The following ASPH variants were observed in gnomAD, a reference collection of about 807,000 sequenced individuals.
ASPH encodes the protein aspartate beta-hydroxylase.
Under a neutral mutation model 118.4 loss-of-function variants are expected in ASPH, and 100 were observed. That is an observed-to-expected ratio of 0.84 (90% confidence interval 0.72 to 1.00). ASPH has a LOEUF of 1.00. Ranked by LOEUF, ASPH falls within the 50% of genes least tolerant of loss-of-function variation. The probability of loss-of-function intolerance (pLI) is 0.00; values close to 1 mark genes in which losing one functional copy is unlikely to be tolerated. For missense variants in ASPH, 920 were observed against 919.5 expected (o/e 1.00, Z -0.01); for synonymous variants, 315 against 325.6 (o/e 0.97, Z 0.35).
intron 13 of ASPH, among the ~76,000 whole-genome samples, chr8:61,620,588 C>A (rs1431133464): frequency 2.6e-5 from 4 of 151,956 alleles, no homozygotes; most frequent in African/African-American, 9.7e-5. Context: ...CTGAACTAGA[C>A]TATTCAATAC....
intron 14 of ASPH, among the ~76,000 whole-genome samples, chr8:61,588,488 ATC>A (rs1359672349): frequency 6.6e-6 from 1 of 152,208 alleles, no homozygotes; most frequent in African/African-American, 2.4e-5. Flanking sequence ...CAGACACAGA[ATC>A]TTCACATTAC....
intron 14 of ASPH, among the ~76,000 whole-genome samples, chr8:61,600,722 C>A (rs1843736628): frequency 6.6e-6 from 1 of 151,246 alleles, no homozygotes; most frequent in Admixed American, 6.6e-5. Context: ...AAACATACAG[C>A]AAGATAATAG....
chr8:61,584,628 T>C (rs62506158), intron 14 of ASPH, among the ~76,000 whole-genome samples: 47 of 23,236 alleles, frequency 2.0e-3, no homozygotes, highest in Admixed American at 6.7e-3. Flanking sequence ...TCTTTCTTTC[T>C]TTCCTTCTTT....
chr8:61,586,967 T>A (rs147961724), intron 14 of ASPH, among the ~76,000 whole-genome samples: 3 of 152,336 alleles, frequency 2.0e-5, no homozygotes, highest in African/African-American at 7.2e-5. Flanking sequence ...GAACTAAGGC[T>A]GTTCCATGCT....
At chr8:61,668,117 G>T in intron 3 of ASPH, 1 of 1,001,008 alleles carries the variant, frequency 1.0e-6, no homozygotes, top group Non-Finnish European at 1.5e-6. Flanking sequence ...ACCCAAGCAA[G>T]ACCCAAAAGC....
At chr8:61,576,528 A>G (rs1392400005) in intron 16 of ASPH, 2 of 399,502 alleles carry the variant, frequency 5.0e-6, no homozygotes, top group South Asian at 1.1e-4. Context: ...ATCAATGACA[A>G]AAGTGTTACT....
chr8:61,528,795 T>A (rs527677002), intron 21 of ASPH, among the ~76,000 whole-genome samples: 2 of 152,336 alleles, frequency 1.3e-5, no homozygotes, highest in Admixed American at 6.5e-5. Flanking sequence ...AATAATTTTT[T>A]AAGAAATGTT....
At chr8:61,709,265 T>C (rs1189111423) in intron 1 of ASPH, among the ~76,000 whole-genome samples, 2 of 151,864 alleles carry the variant, frequency 1.3e-5, no homozygotes, top group Admixed American at 6.6e-5. Flanking sequence ...GGGAATAAAA[T>C]ACTAAAATTT....
At chr8:61,713,079 T>C (rs1280217071) in intron 1 of ASPH, among the ~76,000 whole-genome samples, 1 of 152,270 alleles carries the variant, frequency 6.6e-6, no homozygotes, top group Admixed American at 6.5e-5. Flanking sequence ...CTTTCACTTA[T>C]GTCAAAGGTG....
At chr8:61,614,254 A>G (rs1401637487) in intron 14 of ASPH, among the ~76,000 whole-genome samples, 1 of 152,234 alleles carries the variant, frequency 6.6e-6, no homozygotes, top group Non-Finnish European at 1.5e-5. Flanking sequence ...AAGTCTAAAT[A>G]AAAAATTTTA....
intron 24 of ASPH, among the ~76,000 whole-genome samples, chr8:61,505,528 C>G (rs111602121): frequency 3.3e-5 from 5 of 151,430 alleles, no homozygotes; most frequent in Admixed American, 6.6e-5. Context: ...GTGCCTTTTG[C>G]CTCCCACCAT....
At chr8:61,527,491 A>G (rs1189172192) in intron 21 of ASPH, among the ~76,000 whole-genome samples, 1 of 152,266 alleles carries the variant, frequency 6.6e-6, no homozygotes, top group Non-Finnish European at 1.5e-5. Context: ...AACACTAGCT[A>G]TTAAAATATT....
intron 3 of ASPH, among the ~76,000 whole-genome samples, chr8:61,669,632 C>CT (rs1322523298): frequency 6.6e-6 from 1 of 152,156 alleles, no homozygotes; most frequent in African/African-American, 2.4e-5. Flanking sequence ...ATAATACCCA[C>CT]TTTTAAATAT....
At chr8:61,704,379 C>A (rs945495978) in intron 1 of ASPH, among the ~76,000 whole-genome samples, 6 of 151,450 alleles carry the variant, frequency 4.0e-5, no homozygotes, top group Admixed American at 3.9e-4. Flanking sequence ...AAATCTAATT[C>A]AAAATTAATG....
intron 6 of ASPH, 72 bp from the exon 7 acceptor site, chr8:61,644,704 T>G (rs1053255286): frequency 3.6e-6 from 4 of 1,118,474 alleles, no homozygotes; most frequent in Non-Finnish European, 5.0e-6. Flanking sequence ...GTATATGTAC[T>G]CTGAATCTAT....
At chr8:61,578,817 G>T (rs1836299077) in intron 15 of ASPH, 5 of 1,610,764 alleles carry the variant, frequency 3.1e-6, no homozygotes, top group Non-Finnish European at 3.4e-6. Flanking sequence ...CAAGAAGGAT[G>T]TGGATGAAGC....
intron 13 of ASPH, chr8:61,624,340 C>T: frequency 1.0e-6 from 1 of 985,258 alleles, no homozygotes; most frequent in Non-Finnish European, 1.2e-6. Context: ...ATCTTGCTTC[C>T]TGGCAATGTA....
At position 61,665,046 on chromosome 8, in the gene ASPH, T is replaced by G; in HGVS notation, c.323-11386A>C. ...ATAGAAGTTATTACATCATATTCTATGACATTTTTAAAATGTTTTTACATT... is the reference window on the plus strand; with the variant it reads ...ATAGAAGTTATTACATCATATTCTAGGACATTTTTAAAATGTTTTTACATT... On this transcript the variant is annotated intron_variant, in intron 3 of 24. Coordinates refer to ENST00000379454, the MANE Select transcript of ASPH (RefSeq NM_004318.4). 6 of 1,303,928 alleles carry G rather than the reference T, an allele frequency of 4.6e-6. No individual in the cohort carries two copies. The South Asian group carries it at 1.3e-4, about 29-fold the overall frequency. 80.8% of individuals were successfully genotyped at this position (1,303,928 alleles called of 1,614,324 possible).
chr8:61,700,230 C>T (rs775501594), intron 1 of ASPH, among the ~76,000 whole-genome samples: 5 of 152,178 alleles, frequency 3.3e-5, no homozygotes, highest in Non-Finnish European at 7.3e-5. Context: ...AATAACCATG[C>T]CAGTCAATCT....
Sources: allele counts gnomAD v4.1 joint callset (sites outside exome capture counted in the v4.1 genomes callset), GRCh38; gene constraint gnomAD v4.1.1; transcripts MANE v1.5; gene names NCBI Gene and HGNC (gene_info 2026-07-23, HGNC 2026-07-21).